Variants in FILIP1L observed in about 807,000 individuals in gnomAD.
The protein encoded by FILIP1L is filamin A interacting protein 1 like, also known as filamin A-interacting protein 1-like.
Under a neutral mutation model 96.6 loss-of-function variants are expected in FILIP1L, and 55 were observed. The ratio of observed to expected loss-of-function variants is 0.57; its 90% CI spans 0.46 to 0.71. The LOEUF (loss-of-function observed/expected upper bound fraction) is 0.71, where lower values mean the gene tolerates loss of function less well. Ranked by LOEUF, FILIP1L falls within the 30% of genes least tolerant of loss-of-function variation. The pLI is 0.00. For synonymous variants in FILIP1L, 467 were observed against 473.9 expected (o/e 0.99, Z 0.19); for missense variants, 1,304 against 1,321.2 (o/e 0.99, Z 0.20).
intron 5 of FILIP1L, among the ~76,000 whole-genome samples, chr3:99,831,141 A>T (rs1372966563): frequency 1.3e-5 from 2 of 152,222 alleles, no homozygotes; most frequent in Non-Finnish European, 2.9e-5. Flanking sequence ...TGATTTTAGC[A>T]TTGTTTATAA....
chr3:99,983,417 T>C (rs1171936491), intron 1 of FILIP1L, among the ~76,000 whole-genome samples: 1 of 96,264 alleles, frequency 1.0e-5, no homozygotes, highest in African/African-American at 4.6e-5. Flanking sequence ...TATATATATA[T>C]ATGTATGTAT....
chr3:100,085,694 C>T (rs1016193568), intron 1 of FILIP1L, among the ~76,000 whole-genome samples: 3 of 152,160 alleles, frequency 2.0e-5, no homozygotes, highest in African/African-American at 7.2e-5. Flanking sequence ...CTGAAGTACT[C>T]TTCAGCCACT....
chr3:100,044,877 C>T (rs2065255459), intron 1 of FILIP1L, among the ~76,000 whole-genome samples: 1 of 152,164 alleles, frequency 6.6e-6, no homozygotes, highest in South Asian at 2.1e-4. Flanking sequence ...GCTGACAGGA[C>T]TAGTGGCTCT....
At chr3:99,926,323 T>C (rs1355966980) in intron 3 of FILIP1L, among the ~76,000 whole-genome samples, 3 of 152,270 alleles carry the variant, frequency 2.0e-5, no homozygotes, top group African/African-American at 7.2e-5. Flanking sequence ...ATTTTTAATG[T>C]AGCCAGTCCT....
At chr3:99,950,853 TAAAGAG>T (rs1360682099) in intron 1 of FILIP1L, among the ~76,000 whole-genome samples, 1 of 151,376 alleles carries the variant, frequency 6.6e-6, no homozygotes, top group African/African-American at 2.4e-5. Context: ...AGAGTAAAAA[TAAAGAG>T]AGAGAGAGAG....
At chr3:99,872,525 A>C (rs1350448933) in intron 4 of FILIP1L, among the ~76,000 whole-genome samples, 1 of 151,894 alleles carries the variant, frequency 6.6e-6, no homozygotes, top group Non-Finnish European at 1.5e-5. Flanking sequence ...TGTCCCAATC[A>C]TACACTTACC....
At chr3:99,880,715 G>A (rs181651129) in intron 4 of FILIP1L, among the ~76,000 whole-genome samples, 1 of 151,602 alleles carries the variant, frequency 6.6e-6, no homozygotes, top group Admixed American at 6.6e-5. Context: ...AAATTAATAG[G>A]CACCCTTCAT....
chr3:99,850,140 C>A lies in FILIP1L; in HGVS notation c.1536G>T (p.Lys512Asn). 6.2e-7 allele frequency: 1 copy of A among 1,611,626 alleles called. No homozygotes were observed. The highest frequency in any genetic ancestry group is 8.5e-7 in the Non-Finnish European group (1 of 1,179,552). Residue 512 changes from lysine to asparagine, a missense_variant, in exon 5 of 6, where the codon AAG becomes AAT. By Grantham distance (94) the Lys-to-Asn change is moderately conservative. Transcript: ENST00000477258. ...DERKTMSEKL[K>N]KTEDKLQAAS... ...CAGCTTGTAATTTATCTTCAGTTTT[C>A]TTTAATTTTTCACTCATTGTTTTCC... is the stretch of plus-strand genomic sequence containing the variant.
At chr3:100,052,134 C>G (rs967552982) in intron 1 of FILIP1L, among the ~76,000 whole-genome samples, 20 of 152,088 alleles carry the variant, frequency 1.3e-4, no homozygotes, top group Admixed American at 3.3e-4. Context: ...AGTTCAGTTC[C>G]TTTAGAACTG....
chr3:99,934,414 A>G (rs968217121), intron 1 of FILIP1L, among the ~76,000 whole-genome samples: 5 of 152,180 alleles, frequency 3.3e-5, no homozygotes, highest in African/African-American at 7.2e-5. Flanking sequence ...CTGGAAGTAC[A>G]TAGGGTTTGG....
intron 1 of FILIP1L, among the ~76,000 whole-genome samples, chr3:100,102,655 C>T (rs2066329808): frequency 6.6e-6 from 1 of 152,172 alleles, no homozygotes; most frequent in African/African-American, 2.4e-5. Flanking sequence ...TCTGTGTCCT[C>T]CGCCATGCTT....
chr3:100,016,668 A>T (rs1710350469), intron 1 of FILIP1L, among the ~76,000 whole-genome samples: 1 of 152,246 alleles, frequency 6.6e-6, no homozygotes, highest in Non-Finnish European at 1.5e-5. Flanking sequence ...GCTCTTTCAC[A>T]TGTAAAGTCC....
chr3:99,951,275 T>C (rs1708168480), intron 1 of FILIP1L, among the ~76,000 whole-genome samples: 1 of 152,148 alleles, frequency 6.6e-6, no homozygotes, highest in South Asian at 2.1e-4. Context: ...AAGACCTCCT[T>C]CTTCTACCAG....
At chr3:99,954,822 T>C (rs1708273730) in intron 1 of FILIP1L, among the ~76,000 whole-genome samples, 1 of 150,136 alleles carries the variant, frequency 6.7e-6, no homozygotes, top group South Asian at 2.1e-4. Flanking sequence ...CAAGACTCTG[T>C]CTCAAAAAAA....
intron 1 of FILIP1L, among the ~76,000 whole-genome samples, chr3:100,060,442 C>G (rs1036716118): frequency 6.6e-6 from 1 of 152,048 alleles, no homozygotes; most frequent in Non-Finnish European, 1.5e-5. Context: ...TGCCAATGCC[C>G]TAAACGAAAA....
chr3:99,945,838 C>G (rs1707991629), intron 1 of FILIP1L, among the ~76,000 whole-genome samples: 1 of 152,220 alleles, frequency 6.6e-6, no homozygotes, highest in Non-Finnish European at 1.5e-5. Flanking sequence ...TGTCAGGGCT[C>G]TCACGTTCCC....
At chr3:99,983,397 T>TATAA in intron 1 of FILIP1L, among the ~76,000 whole-genome samples, 1 of 107,580 alleles carries the variant, frequency 9.3e-6, no homozygotes, top group African/African-American at 4.1e-5. Context: ...TAAATATATA[T>TATAA]ATATATATAT....
At chr3:100,068,538 C>T (rs1026773825) in intron 1 of FILIP1L, among the ~76,000 whole-genome samples, 3 of 152,146 alleles carry the variant, frequency 2.0e-5, no homozygotes, top group South Asian at 2.1e-4. Flanking sequence ...GTGGGTGCTG[C>T]CAAAGAACCC....
intron 1 of FILIP1L, among the ~76,000 whole-genome samples, chr3:100,064,390 C>A (rs576421260): frequency 5.9e-5 from 9 of 152,186 alleles, no homozygotes; most frequent in African/African-American, 1.9e-4. Flanking sequence ...CCTGACCCCC[C>A]CAACACCCTT....
Sources: gnomAD v4.1 joint callset for allele counts (sites outside exome capture counted in the v4.1 genomes callset) on GRCh38, gnomAD v4.1.1 for gene constraint, MANE v1.5 for transcripts, NCBI Gene and HGNC (gene_info 2026-07-23, HGNC 2026-07-21) for gene names.